RGS21: variants seen among roughly 807,000 people sequenced by gnomAD.
The protein encoded by RGS21 is regulator of G-protein signalling 21.
RGS21 carries 19 observed loss-of-function variants against 18.7 expected under a neutral mutation model. The ratio of observed to expected loss-of-function variants is 1.01; its 90% confidence interval spans 0.71 to 1.49. The LOEUF is 1.49. RGS21 is among the 40% of genes most tolerant of loss of function. The pLI is 0.00. For missense variants in RGS21, 194 were observed against 176.8 expected, an observed-to-expected ratio of 1.10 and a Z score of -0.55; for synonymous variants, 56 against 57.8, an observed-to-expected ratio of 0.97 and a Z score of 0.14.
At chr1:192,319,064 C>T (rs1004006765) in intron 1 of RGS21, among the ~76,000 whole-genome samples, 1 of 151,892 alleles carries the variant, frequency 6.6e-6, no homozygotes, top group Admixed American at 6.6e-5. Flanking sequence ...GTCCCCTCTG[C>T]ACCCCCATCT....
intron 4 of RGS21, among the ~76,000 whole-genome samples, chr1:192,358,810 G>T (rs1045950638): frequency 6.6e-6 from 1 of 152,066 alleles, no homozygotes; most frequent in Non-Finnish European, 1.5e-5. Flanking sequence ...AAAGCCAAAA[G>T]AATTTAAGAC....
intron 2 of RGS21, among the ~76,000 whole-genome samples, chr1:192,343,369 A>G (rs1400029815): frequency 6.6e-6 from 1 of 152,054 alleles, no homozygotes; most frequent in Non-Finnish European, 1.5e-5. Flanking sequence ...AAATTATCAC[A>G]ACGTTTATTG....
intron 2 of RGS21, among the ~76,000 whole-genome samples, chr1:192,344,961 T>C (rs1658926069): frequency 6.6e-6 from 1 of 152,132 alleles, no homozygotes; most frequent in Non-Finnish European, 1.5e-5. Flanking sequence ...TCTTTATCTA[T>C]AAAATATCTG....
chr1:192,356,454 T>C (rs1659114044), intron 4 of RGS21, among the ~76,000 whole-genome samples: 2 of 151,762 alleles, frequency 1.3e-5, no homozygotes. Flanking sequence ...TACAGTTGGG[T>C]TAAAAAATAA....
At chr1:192,333,179 T>A (rs1658685154) in intron 1 of RGS21, among the ~76,000 whole-genome samples, 1 of 151,544 alleles carries the variant, frequency 6.6e-6, no homozygotes, top group South Asian at 2.1e-4. Context: ...AACAAAAATC[T>A]CATTAGGATG....
intron 4 of RGS21, among the ~76,000 whole-genome samples, chr1:192,359,319 A>C (rs1364223391): frequency 6.6e-6 from 1 of 152,064 alleles, no homozygotes; most frequent in Non-Finnish European, 1.5e-5. Flanking sequence ...TCTGCAGTTC[A>C]TAGTTGGAGA....
At chr1:192,361,585 G>A (rs775520415) in intron 4 of RGS21, among the ~76,000 whole-genome samples, 2 of 151,934 alleles carry the variant, frequency 1.3e-5, no homozygotes, top group African/African-American at 2.4e-5. Context: ...TCGCTCTGTC[G>A]CCTAGGCTGG....
intron 1 of RGS21, among the ~76,000 whole-genome samples, chr1:192,332,943 T>G (rs1557975678): frequency 2.0e-5 from 3 of 151,812 alleles, no homozygotes; most frequent in South Asian, 2.1e-4. Context: ...CAAAAAAATT[T>G]TTTTAAATAA....
intron 3 of RGS21, among the ~76,000 whole-genome samples, chr1:192,350,409 C>T (rs546332390): frequency 2.6e-5 from 4 of 152,278 alleles, no homozygotes; most frequent in African/African-American, 9.6e-5. Flanking sequence ...TCTTTTCATT[C>T]ACTTTTCTCT....
chr1:192,352,156 T>G lies in RGS21; in HGVS notation c.198T>G (p.Ile66Met). Residue 66 changes from isoleucine to methionine, a missense_variant, in exon 4 of 5, where the codon ATT becomes ATG. Coordinates refer to ENST00000417209, the MANE Select transcript of RGS21 (RefSeq NM_001039152.3). ...AGAAAACGAAAAATGCAGACAAAATTGCTTCCAAAGCCAAGATGATTTATT... is the reference window on the plus strand; with the variant it reads ...AGAAAACGAAAAATGCAGACAAAATGGCTTCCAAAGCCAAGATGATTTATT... ...DFKKTKNADK[I>M]ASKAKMIYSE... is the part of the protein sequence containing the mutation. 6.2e-7 allele frequency: 1 copy of G among 1,611,246 alleles called. No homozygotes were observed.
rs545820447 is a variant in RGS21 at position 192,348,531 on chromosome 1, T to C, written c.88+1142T>C. ...CATATTTAAATGTATATGTGTGTAT[T>C]AATATGTATATGTGTGAATATGTAT... On this transcript the variant is annotated intron_variant, in intron 3 of 4. Coordinates refer to ENST00000417209, the MANE Select transcript of RGS21 (RefSeq NM_001039152.3). Among the ~76,000 whole-genome samples, 4 of 152,342 alleles carry C rather than the reference T, an allele frequency of 2.6e-5. No individual in the cohort carries two copies. The South Asian group carries it at 8.3e-4, about 32-fold the overall frequency.
At chr1:192,325,006 T>C (rs1658548369) in intron 1 of RGS21, among the ~76,000 whole-genome samples, 2 of 152,134 alleles carry the variant, frequency 1.3e-5, no homozygotes, top group Admixed American at 1.3e-4. Context: ...TAATTTCCAC[T>C]ATCCTTGGGA....
chr1:192,355,247 T>C (rs886575574), intron 4 of RGS21, among the ~76,000 whole-genome samples: 1 of 151,738 alleles, frequency 6.6e-6, no homozygotes, highest in Non-Finnish European at 1.5e-5. Flanking sequence ...AAAACGAGAA[T>C]GATACATGAG....
chr1:192,348,099 C>T (rs1658982524), intron 3 of RGS21, among the ~76,000 whole-genome samples: 1 of 150,694 alleles, frequency 6.6e-6, no homozygotes, highest in Admixed American at 6.6e-5. Context: ...GATCTCTGCT[C>T]ACTGCAACCT....
intron 1 of RGS21, among the ~76,000 whole-genome samples, chr1:192,328,114 A>C (rs561546129): frequency 6.6e-6 from 1 of 152,284 alleles, no homozygotes; most frequent in South Asian, 2.1e-4. Context: ...TTAAAAAAGA[A>C]GGCATACAGG....
At chr1:192,333,628 CAAAAA>C (rs376989840) in intron 1 of RGS21, among the ~76,000 whole-genome samples, 303 of 102,392 alleles carry the variant, frequency 3.0e-3, no homozygotes, top group African/African-American at 1.0e-2. Context: ...CTCAAAATGA[CAAAAA>C]AAAAAAAAAA....
intron 1 of RGS21, among the ~76,000 whole-genome samples, chr1:192,324,470 C>T (rs570238302): frequency 6.6e-6 from 1 of 152,178 alleles, no homozygotes; most frequent in African/African-American, 2.4e-5. Flanking sequence ...AAGCATATGA[C>T]TTCTTGTTCC....
At chr1:192,343,186 C>A (rs1342908755) in intron 2 of RGS21, 139 bp downstream of exon 2, 4 of 865,932 alleles carry the variant, frequency 4.6e-6, no homozygotes, top group Non-Finnish European at 7.6e-6. Context: ...TTTCTCCTTT[C>A]TCTACTGATT....
chr1:192,326,066 A>C (rs1658564739), intron 1 of RGS21, among the ~76,000 whole-genome samples: 1 of 152,046 alleles, frequency 6.6e-6, no homozygotes, highest in Admixed American at 6.6e-5. Context: ...GGATACTTGA[A>C]AGCTATGGAT....
Sources: allele counts gnomAD v4.1 joint callset (sites outside exome capture counted in the v4.1 genomes callset), GRCh38; gene constraint gnomAD v4.1.1; transcripts MANE v1.5; gene names NCBI Gene and HGNC (gene_info 2026-07-23, HGNC 2026-07-21).